The following HCN1 variants were observed in gnomAD, a reference collection of about 807,000 sequenced individuals.
HCN1 encodes the protein potassium/sodium hyperpolarization-activated cyclic nucleotide-gated channel 1.
In HCN1, 13 loss-of-function variants were observed where a neutral mutation model predicts 78.9. The ratio of observed to expected loss-of-function variants is 0.16; its 90% confidence interval spans 0.11 to 0.26. The LOEUF is 0.26. Among genes scored for constraint, HCN1 ranks in the 10% least tolerant of loss-of-function variants. The probability of loss-of-function intolerance (pLI) is 1.00; values close to 1 mark genes in which losing one functional copy is unlikely to be tolerated. For missense variants in HCN1, 810 were observed against 1,154.3 expected, an observed-to-expected ratio of 0.70 and a Z score of 4.32; for synonymous variants, 552 against 455.5, an observed-to-expected ratio of 1.21 and a Z score of -2.70.
intron 2 of HCN1, among the ~76,000 whole-genome samples, chr5:45,471,111 C>T (rs993795605): frequency 6.6e-6 from 1 of 151,848 alleles, no homozygotes; most frequent in African/African-American, 2.4e-5. Flanking sequence ...TGACTCCATT[C>T]CTTCAAGCAT....
intron 3 of HCN1, among the ~76,000 whole-genome samples, chr5:45,429,539 AG>A (rs1740421920): frequency 6.6e-6 from 1 of 152,194 alleles, no homozygotes; most frequent in Non-Finnish European, 1.5e-5. Context: ...AGAAAAAAAA[AG>A]GTGCAATCAA....
At chr5:45,453,724 C>A (rs1273850297) in intron 3 of HCN1, among the ~76,000 whole-genome samples, 1 of 152,052 alleles carries the variant, frequency 6.6e-6, no homozygotes, top group East Asian at 1.9e-4. Context: ...GACTCTTTAT[C>A]TTTAAAATGG....
At chr5:45,380,148 C>G (rs1346385617) in intron 4 of HCN1, among the ~76,000 whole-genome samples, 1 of 151,988 alleles carries the variant, frequency 6.6e-6, no homozygotes, top group Non-Finnish European at 1.5e-5. Context: ...AGTCCACAAT[C>G]AAGACATCAG....
intron 1 of HCN1, among the ~76,000 whole-genome samples, chr5:45,675,502 T>C (rs1207124688): frequency 6.6e-6 from 1 of 151,792 alleles, no homozygotes; most frequent in Non-Finnish European, 1.5e-5. Context: ...CACACAGGCA[T>C]GCTGAACTAG....
At chr5:45,683,672 C>CTTTT (rs879673630) in intron 1 of HCN1, among the ~76,000 whole-genome samples, 1 of 144,008 alleles carries the variant, frequency 6.9e-6, no homozygotes, top group Admixed American at 7.0e-5. Context: ...TATGTTTTGT[C>CTTTT]TTTTTTTTTT....
intron 2 of HCN1, among the ~76,000 whole-genome samples, chr5:45,571,929 A>T (rs1043854744): frequency 3.3e-5 from 5 of 152,156 alleles, no homozygotes; most frequent in African/African-American, 7.2e-5. Context: ...ATAATAATAA[A>T]AAATATTTTA....
intron 2 of HCN1, among the ~76,000 whole-genome samples, chr5:45,494,218 C>T (rs1457078165): frequency 6.6e-6 from 1 of 152,042 alleles, no homozygotes; most frequent in Non-Finnish European, 1.5e-5. Context: ...GTCCCACCAA[C>T]AATGTAAAAG....
At chr5:45,453,499 A>G (rs979329830) in intron 3 of HCN1, among the ~76,000 whole-genome samples, 1 of 152,134 alleles carries the variant, frequency 6.6e-6, no homozygotes, top group African/African-American at 2.4e-5. Flanking sequence ...CGTATTTTTC[A>G]TATACATTCT....
intron 4 of HCN1, among the ~76,000 whole-genome samples, chr5:45,363,476 T>C (rs1747166620): frequency 6.6e-6 from 1 of 151,888 alleles, no homozygotes; most frequent in African/African-American, 2.4e-5. Context: ...TAAGGTTCAT[T>C]CTACACAGTT....
chr5:45,426,163 T>C (rs932119403), intron 3 of HCN1, among the ~76,000 whole-genome samples: 11 of 152,202 alleles, frequency 7.2e-5, no homozygotes, highest in African/African-American at 2.4e-4. Context: ...GTATGATGAA[T>C]CTCATGCATG....
chr5:45,393,364 G>A (rs1038035724), intron 4 of HCN1, among the ~76,000 whole-genome samples: 1 of 152,082 alleles, frequency 6.6e-6, no homozygotes, highest in Non-Finnish European at 1.5e-5. Flanking sequence ...AGCTTCCCAG[G>A]AGTGTCCAAA....
At chr5:45,599,770 A>G in intron 2 of HCN1, among the ~76,000 whole-genome samples, 1 of 152,166 alleles carries the variant, frequency 6.6e-6, no homozygotes, top group Admixed American at 6.5e-5. Flanking sequence ...CTGTGTTATC[A>G]ATTAAGTTGT....
intron 3 of HCN1, among the ~76,000 whole-genome samples, chr5:45,412,369 C>T (rs867053256): frequency 6.6e-6 from 1 of 151,988 alleles, no homozygotes; most frequent in Non-Finnish European, 1.5e-5. Flanking sequence ...ATTGTGGTCT[C>T]CTTTATGTAC....
intron 2 of HCN1, among the ~76,000 whole-genome samples, chr5:45,488,481 T>C (rs1741814312): frequency 6.6e-6 from 1 of 152,168 alleles, no homozygotes. Context: ...TTATATTCTG[T>C]TGTTATATAA....
chr5:45,481,322 GGA>G (rs1388437769), intron 2 of HCN1, among the ~76,000 whole-genome samples: 6 of 152,152 alleles, frequency 3.9e-5, no homozygotes, highest in African/African-American at 1.4e-4. Flanking sequence ...TAAAGAACCT[GGA>G]TCTCACTGAT....
intron 5 of HCN1, among the ~76,000 whole-genome samples, chr5:45,306,600 T>C (rs1242592449): frequency 2.0e-5 from 3 of 152,094 alleles, no homozygotes; most frequent in Non-Finnish European, 4.4e-5. Flanking sequence ...CATTCTCCCA[T>C]GAAAACTGCT....
chr5:45,343,469 T>C (rs1746624893), intron 5 of HCN1, among the ~76,000 whole-genome samples: 2 of 152,190 alleles, frequency 1.3e-5, no homozygotes, highest in Admixed American at 1.3e-4. Flanking sequence ...AGCAAAGGCA[T>C]GAATGTAAGA....
At chr5:45,655,366 A>G (rs1745745476) in intron 1 of HCN1, among the ~76,000 whole-genome samples, 1 of 152,130 alleles carries the variant, frequency 6.6e-6, no homozygotes, top group Non-Finnish European at 1.5e-5. Context: ...GAAAACCGAA[A>G]TCATCTAGTT....
chr5:45,611,269 CTTTT>C (rs1054830050), intron 2 of HCN1, among the ~76,000 whole-genome samples: 1 of 113,730 alleles, frequency 8.8e-6, no homozygotes. Context: ...TTATCTTTTT[CTTTT>C]TTTTTTTTTT....
Sources: gnomAD v4.1 joint callset for allele counts (sites outside exome capture counted in the v4.1 genomes callset) on GRCh38, gnomAD v4.1.1 for gene constraint, MANE v1.5 for transcripts, NCBI Gene and HGNC (gene_info 2026-07-23, HGNC 2026-07-21) for gene names.